The following EVL variants were observed in gnomAD, a reference collection of about 807,000 sequenced individuals.
EVL encodes the protein ena/VASP-like protein.
In EVL, 21 loss-of-function variants were observed where a neutral mutation model predicts 59.6. The ratio of observed to expected loss-of-function variants is 0.35; its 90% CI spans 0.25 to 0.51. EVL has a LOEUF of 0.51. Ranked by LOEUF, EVL falls within the 20% of genes least tolerant of loss-of-function variation. The pLI, the probability that EVL is intolerant of heterozygous loss-of-function variation, is 0.97. For synonymous variants in EVL, 198 were observed against 203.5 expected (o/e 0.97, Z 0.23); for missense variants, 462 against 546.6 (o/e 0.85, Z 1.54).
chr14:99,986,021 A>G (rs1595543206), intron 1 of EVL, among the ~76,000 whole-genome samples: 2 of 150,396 alleles, frequency 1.3e-5, no homozygotes, highest in African/African-American at 4.9e-5. Flanking sequence ...GCTGGGCACG[A>G]TGGCTCATGC....
chr14:100,021,550 G>A (rs2061124914), intron 1 of EVL, among the ~76,000 whole-genome samples: 1 of 152,302 alleles, frequency 6.6e-6, no homozygotes, highest in South Asian at 2.1e-4. Context: ...GGACTCTAGA[G>A]GTACCTGGCT....
intron 5 of EVL, 151 bp from the exon 6 acceptor site, chr14:100,128,368 G>A (rs1013491759): frequency 7.5e-6 from 6 of 803,562 alleles, no homozygotes; most frequent in Admixed American, 1.8e-5. Context: ...TCCCGCGGAG[G>A]CTTCCTGGAT....
chr14:99,990,420 A>G (rs1030943306), intron 1 of EVL, among the ~76,000 whole-genome samples: 1 of 152,180 alleles, frequency 6.6e-6, no homozygotes, highest in Admixed American at 6.5e-5. Context: ...GTATATGCAC[A>G]TTGTTGTCCA....
At chr14:100,068,526 A>G (rs894733742) in intron 1 of EVL, among the ~76,000 whole-genome samples, 1 of 152,204 alleles carries the variant, frequency 6.6e-6, no homozygotes, top group Non-Finnish European at 1.5e-5. Flanking sequence ...TGTGGCAAGA[A>G]TGGAGGCAGG....
At chr14:100,107,365 C>T (rs981615182) in intron 3 of EVL, 5 of 398,280 alleles carry the variant, frequency 1.3e-5, no homozygotes, top group African/African-American at 1.0e-4. Context: ...GGCAGATAGT[C>T]TAGGCCGGGG....
chr14:100,051,491 T>C (rs2061646986), intron 1 of EVL, among the ~76,000 whole-genome samples: 1 of 152,262 alleles, frequency 6.6e-6, no homozygotes, highest in Non-Finnish European at 1.5e-5. Context: ...TTGTCTGATA[T>C]TAAAATTGCT....
At chr14:100,037,434 C>T (rs1452688182) in intron 1 of EVL, among the ~76,000 whole-genome samples, 7 of 152,214 alleles carry the variant, frequency 4.6e-5, no homozygotes, top group Non-Finnish European at 1.0e-4. Context: ...TCTTCCTTCT[C>T]ATATACTCTG....
intron 1 of EVL, among the ~76,000 whole-genome samples, chr14:100,024,294 G>C (rs2061175188): frequency 6.6e-6 from 1 of 152,212 alleles, no homozygotes; most frequent in Admixed American, 6.5e-5. Flanking sequence ...AAAATGAGTA[G>C]TATTGGGGAA....
intron 1 of EVL, among the ~76,000 whole-genome samples, chr14:100,009,813 A>G (rs1045358817): frequency 1.3e-4 from 20 of 152,364 alleles, no homozygotes; most frequent in African/African-American, 4.6e-4. Flanking sequence ...CATTTAAGAA[A>G]TACATTGGTT....
intron 1 of EVL, among the ~76,000 whole-genome samples, chr14:99,996,522 A>G (rs184575833): frequency 2.8e-4 from 42 of 152,370 alleles, no homozygotes; most frequent in African/African-American, 9.9e-4. Context: ...ATTAACATAA[A>G]TAGTAAAAAT....
chr14:100,142,936 G>A (rs533446498), intron 13 of EVL, among the ~76,000 whole-genome samples: 13 of 151,994 alleles, frequency 8.6e-5, no homozygotes, highest in South Asian at 8.3e-4. Context: ...CTGAGAGCCC[G>A]GGGGTAGGCA....
At chr14:100,075,115 A>G (rs2140286139) in intron 1 of EVL, among the ~76,000 whole-genome samples, 1 of 152,354 alleles carries the variant, frequency 6.6e-6, no homozygotes, top group South Asian at 2.1e-4. Context: ...GCATTGTGTG[A>G]AGTCAGGTGA....
At chr14:100,037,691 T>C (rs1418823989) in intron 1 of EVL, among the ~76,000 whole-genome samples, 1 of 152,214 alleles carries the variant, frequency 6.6e-6, no homozygotes, top group Non-Finnish European at 1.5e-5. Context: ...TGTGAGTCCC[T>C]CTTTTGGACA....
intron 1 of EVL, among the ~76,000 whole-genome samples, chr14:100,049,319 CGT>C (rs1050347231): frequency 2.6e-5 from 4 of 152,172 alleles, no homozygotes; most frequent in Admixed American, 6.5e-5. Flanking sequence ...TGCCTCAAAG[CGT>C]GTGAGTGTAG....
At chr14:99,975,344 A>G (rs970814393) in intron 1 of EVL, among the ~76,000 whole-genome samples, 5 of 152,034 alleles carry the variant, frequency 3.3e-5, no homozygotes, top group Admixed American at 2.0e-4. Flanking sequence ...CTTTTTATTT[A>G]TAATTAGAGT....
chr14:99,989,528 G>A (rs2060862156), intron 1 of EVL, among the ~76,000 whole-genome samples: 1 of 152,104 alleles, frequency 6.6e-6, no homozygotes, highest in African/African-American at 2.4e-5. Context: ...TCTTGCATGA[G>A]CTAACCTCTT....
chr14:100,118,342 G>A (rs748933748), intron 3 of EVL, among the ~76,000 whole-genome samples: 7 of 152,186 alleles, frequency 4.6e-5, no homozygotes, highest in Non-Finnish European at 1.0e-4. Context: ...CAGCTTTCTT[G>A]AAGATGGCAG....
chr14:100,078,765 T>C (rs972454472), intron 1 of EVL, among the ~76,000 whole-genome samples: 1 of 152,168 alleles, frequency 6.6e-6, no homozygotes, highest in African/African-American at 2.4e-5. Context: ...CACCCTGGTT[T>C]GCCCGGGATT....
intron 3 of EVL, among the ~76,000 whole-genome samples, chr14:100,118,103 G>A (rs901026269): frequency 2.0e-5 from 3 of 152,214 alleles, no homozygotes; most frequent in Non-Finnish European, 4.4e-5. Context: ...CCTGGTATGT[G>A]CAAGCATATG....
Sources: allele counts gnomAD v4.1 joint callset (sites outside exome capture counted in the v4.1 genomes callset), GRCh38; gene constraint gnomAD v4.1.1; transcripts MANE v1.5; gene names NCBI Gene and HGNC (gene_info 2026-07-23, HGNC 2026-07-21).